The following GLI3 variants were observed in gnomAD, a reference collection of about 807,000 sequenced individuals.
GLI3 encodes the protein GLI family zinc finger 3.
A neutral mutation model predicts 100.8 loss-of-function variants in GLI3; 20 were observed. That is an observed-to-expected ratio of 0.20 (90% CI 0.14 to 0.29). The LOEUF (loss-of-function observed/expected upper bound fraction) is 0.29, where lower values mean the gene tolerates loss of function less well. Among genes scored for constraint, GLI3 ranks in the 10% least tolerant of loss-of-function variants. GLI3 has a pLI of 1.00. For synonymous variants in GLI3, 938 were observed against 860.5 expected, an observed-to-expected ratio of 1.09 and a Z score of -1.58; for missense variants, 2,040 against 2,128.5, an observed-to-expected ratio of 0.96 and a Z score of 0.82.
chr7:42,199,727 G>A (rs535487392), intron 2 of GLI3, among the ~76,000 whole-genome samples: 1 of 152,294 alleles, frequency 6.6e-6, no homozygotes, highest in South Asian at 2.1e-4. Flanking sequence ...ATGGGCTGAG[G>A]CCAAGGAGAA....
chr7:42,123,451 T>C (rs1786050271), intron 3 of GLI3, among the ~76,000 whole-genome samples: 1 of 152,222 alleles, frequency 6.6e-6, no homozygotes, highest in Non-Finnish European at 1.5e-5. Context: ...TTAAAATGCA[T>C]ACAAGGGTGT....
chr7:42,015,788 T>A (rs145594875), intron 10 of GLI3, among the ~76,000 whole-genome samples: 101 of 152,182 alleles, frequency 6.6e-4, no homozygotes, highest in African/African-American at 2.4e-3. Flanking sequence ...AGTAGCTTCT[T>A]ACTAGAGACA....
chr7:41,987,193 G>C (rs1787855542), intron 10 of GLI3, among the ~76,000 whole-genome samples: 1 of 151,900 alleles, frequency 6.6e-6, no homozygotes, highest in South Asian at 2.1e-4. Flanking sequence ...GAGTGAGACA[G>C]AGTCTTGCTC....
intron 3 of GLI3, among the ~76,000 whole-genome samples, chr7:42,123,598 CT>C (rs1786054613): frequency 6.6e-6 from 1 of 152,194 alleles, no homozygotes; most frequent in Non-Finnish European, 1.5e-5. Context: ...CATAAAATAA[CT>C]GGTATTCCAT....
chr7:42,047,907 A>G (rs1487619878), intron 5 of GLI3, among the ~76,000 whole-genome samples: 1 of 152,214 alleles, frequency 6.6e-6, no homozygotes, highest in Non-Finnish European at 1.5e-5. Flanking sequence ...CACTGACATC[A>G]TCGGCTTTTG....
intron 3 of GLI3, among the ~76,000 whole-genome samples, chr7:42,140,036 C>T (rs573605133): frequency 3.3e-5 from 5 of 152,368 alleles, no homozygotes; most frequent in African/African-American, 1.2e-4. Context: ...CCTCCAACCA[C>T]AAAGATTCTT....
intron 2 of GLI3, among the ~76,000 whole-genome samples, chr7:42,179,375 G>C (rs1400558847): frequency 2.0e-5 from 3 of 152,178 alleles, no homozygotes; most frequent in Non-Finnish European, 4.4e-5. Context: ...GGCGTGGGTG[G>C]GCAGGTAACG....
At chr7:42,251,817 C>T (rs1789036090) in intron 1 of GLI3, among the ~76,000 whole-genome samples, 1 of 151,960 alleles carries the variant, frequency 6.6e-6, no homozygotes, top group Admixed American at 6.6e-5. Flanking sequence ...GCTCCAGAGC[C>T]TCCACTCTTA....
chr7:42,084,363 A>C (rs1785058675), intron 3 of GLI3, among the ~76,000 whole-genome samples: 1 of 152,212 alleles, frequency 6.6e-6, no homozygotes, highest in Non-Finnish European at 1.5e-5. Flanking sequence ...GTCGTGAACC[A>C]ACAACTGATC....
intron 10 of GLI3, among the ~76,000 whole-genome samples, chr7:41,984,857 A>T (rs1787771997): frequency 6.6e-6 from 1 of 152,266 alleles, no homozygotes; most frequent in Non-Finnish European, 1.5e-5. Flanking sequence ...CGCCAAGTTC[A>T]TCACAACACA....
At chr7:42,104,098 G>C (rs531814577) in intron 3 of GLI3, among the ~76,000 whole-genome samples, 8 of 152,104 alleles carry the variant, frequency 5.3e-5, no homozygotes, top group African/African-American at 1.2e-4. Flanking sequence ...GCATACTTAC[G>C]GTCTCCACTT....
rs752529841 is a variant in GLI3, at chr7:41,967,836, G to T, written c.2191C>A (p.Pro731Thr). 3 of 1,614,140 alleles carry T rather than the reference G, an allele frequency of 1.9e-6. No homozygotes were observed. In the South Asian group the frequency reaches 3.3e-5, roughly 18 times the overall value. ...SNYSNSGLELPLTDGGSIGDL... is the reference protein window; with the variant it reads ...SNYSNSGLELTLTDGGSIGDL... ...CCTATACTACCTCCATCGGTCAGAG[G>T]AAGCTCGAGCCCACTGTTGGAATAG... The change falls in exon 14 of 15, where the codon CCT (proline) becomes ACT (threonine). Residue 731 changes from proline (P) to threonine (T), a missense_variant. Pro to Thr is a conservative substitution (Grantham distance 38). Transcript: ENST00000395925.
intron 4 of GLI3, among the ~76,000 whole-genome samples, chr7:42,073,549 T>C (rs1784823690): frequency 6.6e-6 from 1 of 152,210 alleles, no homozygotes; most frequent in Non-Finnish European, 1.5e-5. Flanking sequence ...CACCATATCG[T>C]TGATGCCTTA....
At chr7:42,170,758 A>C (rs1273234577) in intron 2 of GLI3, among the ~76,000 whole-genome samples, 1 of 152,178 alleles carries the variant, frequency 6.6e-6, no homozygotes, top group East Asian at 1.9e-4. Context: ...AATGGTAAAT[A>C]AAAGAGATGC....
chr7:42,158,209 C>T (rs1012072885), intron 2 of GLI3, among the ~76,000 whole-genome samples: 9 of 152,196 alleles, frequency 5.9e-5, no homozygotes. Context: ...TGAGCACTTA[C>T]TAAACGCCAG....
chr7:42,026,495 A>G (rs1345609534), intron 7 of GLI3, 83 bp from the exon 8 acceptor site: 2 of 1,040,326 alleles, frequency 1.9e-6, no homozygotes, highest in African/African-American at 3.1e-5. Flanking sequence ...CTTTCTATCT[A>G]TAATTTTACC....
At chr7:42,013,726 A>C (rs1315246195) in intron 10 of GLI3, among the ~76,000 whole-genome samples, 1 of 152,218 alleles carries the variant, frequency 6.6e-6, no homozygotes, top group Non-Finnish European at 1.5e-5. Flanking sequence ...AATGATAACA[A>C]TCACAATAAA....
At chr7:42,167,259 C>T (rs913128319) in intron 2 of GLI3, among the ~76,000 whole-genome samples, 6 of 152,032 alleles carry the variant, frequency 3.9e-5, no homozygotes, top group African/African-American at 1.4e-4. Flanking sequence ...GCAATGGGAA[C>T]GAAAATAAAC....
chr7:42,211,204 T>G (rs1366201330), intron 2 of GLI3, among the ~76,000 whole-genome samples: 7 of 152,050 alleles, frequency 4.6e-5, no homozygotes, highest in Non-Finnish European at 8.8e-5. Flanking sequence ...TCTTTTTAAT[T>G]GCGGAAAAGA....
Sources: gnomAD v4.1 joint callset for allele counts (sites outside exome capture counted in the v4.1 genomes callset) on GRCh38, gnomAD v4.1.1 for gene constraint, MANE v1.5 for transcripts, NCBI Gene and HGNC (gene_info 2026-07-23, HGNC 2026-07-21) for gene names.